PTPN21: variants seen among roughly 807,000 people sequenced by gnomAD.
PTPN21 encodes protein tyrosine phosphatase non-receptor type 21.
A neutral mutation model predicts 131.8 loss-of-function variants in PTPN21; 77 were observed. The ratio of observed to expected loss-of-function variants is 0.58; its 90% CI spans 0.49 to 0.71. The LOEUF (loss-of-function observed/expected upper bound fraction) is 0.71, where lower values mean the gene tolerates loss of function less well. PTPN21 is among the 30% of genes least tolerant of loss of function. The pLI is 0.00. For missense variants in PTPN21, 1,552 were observed against 1,527.1 expected, an observed-to-expected ratio of 1.02 and a Z score of -0.27; for synonymous variants, 715 against 621.3, an observed-to-expected ratio of 1.15 and a Z score of -2.24.
intron 10 of PTPN21, among the ~76,000 whole-genome samples, chr14:88,487,965 CAAAAA>C (rs535857551): frequency 0.15 from 13,639 of 92,486 alleles, 821 homozygotes; most frequent in South Asian, 0.27. Context: ...GACTCCATCT[CAAAAA>C]AAAAAAAAAA....
chr14:88,525,382 A>C (rs1260830695), intron 2 of PTPN21, among the ~76,000 whole-genome samples: 3 of 152,228 alleles, frequency 2.0e-5, no homozygotes, highest in Admixed American at 2.0e-4. Context: ...AGAAAGAAAC[A>C]ACCCAATATT....
intron 4 of PTPN21, among the ~76,000 whole-genome samples, chr14:88,505,776 T>G (rs1173174634): frequency 6.6e-6 from 1 of 152,240 alleles, no homozygotes; most frequent in African/African-American, 2.4e-5. Context: ...CAGCAAGATA[T>G]ATTTGTGTTG....
intron 2 of PTPN21, among the ~76,000 whole-genome samples, chr14:88,548,235 G>A (rs1463131072): frequency 1.3e-5 from 2 of 151,972 alleles, no homozygotes; most frequent in South Asian, 2.1e-4. Context: ...AGAAACAATC[G>A]TACCACACCT....
At chr14:88,510,336 A>G (rs151274683) in intron 3 of PTPN21, among the ~76,000 whole-genome samples, 1 of 152,324 alleles carries the variant, frequency 6.6e-6, no homozygotes, top group East Asian at 1.9e-4. Context: ...GCTCACAGCT[A>G]AAATCCAGGC....
At position 88,497,334 on chromosome 14, in the gene PTPN21, G is replaced by A. The variant is rs747190096; in HGVS notation, c.765-44C>T. 7.0e-6 allele frequency: 10 copies of A among 1,436,018 alleles called. 1 individual carries two copies. In the East Asian group the frequency reaches 2.3e-4, roughly 33 times the overall value. The allele number at this position is 1,436,018 out of a possible 1,614,324, so 89.0% of individuals were successfully genotyped here. A position where few individuals can be genotyped will look rare whatever the true frequency, so the allele number is the denominator to read the frequency against. On this transcript the variant is annotated intron_variant, in intron 8 of 18. Transcript: ENST00000556564. ...AGAACTGGCAATGTGAGTGCCCATG[G>A]GGGAAACAAGGAGATAGAATACACA...
intron 13 of PTPN21, among the ~76,000 whole-genome samples, chr14:88,478,235 G>A (rs940623185): frequency 3.3e-5 from 5 of 152,230 alleles, no homozygotes; most frequent in African/African-American, 1.2e-4. Context: ...TAGGTAAAAA[G>A]TGCTTAATTC....
Position 88,476,298 on chromosome 14 carries a change from T to TA in PTPN21, c.2512-2497dup, listed in dbSNP as rs1192978855. On this transcript the variant is annotated intron_variant, in intron 13 of 18. Coordinates refer to ENST00000556564, the MANE Select transcript of PTPN21 (RefSeq NM_007039.4). ...CTTCCACTCTTGAAAGCCATTAAGT[T>TA]AAATATATGATGCCACCTCACAGTA... Among the ~76,000 whole-genome samples, 9 of 152,288 alleles carry TA rather than the reference T, an allele frequency of 5.9e-5. No homozygotes were observed. The South Asian group carries it at 1.9e-3, about 32-fold the overall frequency.
At chr14:88,539,433 A>G (rs1229755487) in intron 2 of PTPN21, among the ~76,000 whole-genome samples, 2 of 151,956 alleles carry the variant, frequency 1.3e-5, no homozygotes, top group Admixed American at 6.6e-5. Flanking sequence ...TTTTTAGTAG[A>G]GATGGGGTTT....
intron 6 of PTPN21, among the ~76,000 whole-genome samples, chr14:88,502,444 T>C (rs921281363): frequency 6.6e-6 from 1 of 152,130 alleles, no homozygotes; most frequent in Non-Finnish European, 1.5e-5. Flanking sequence ...ATTCCGCCCA[T>C]ACCCCTCTAA....
chr14:88,478,962 G>A lies in PTPN21; in HGVS notation c.2469C>T (p.Leu823=), dbSNP rs750754931. 3 of 1,534,716 alleles carry A rather than the reference G, an allele frequency of 2.0e-6. No individual in the cohort carries two copies. Among genetic ancestry groups the A allele is most frequent in the East Asian group, 2.3e-5 (1 of 42,886 alleles). The change falls in exon 13 of 19, where the codon CTC becomes CTT. Residue 823 remains leucine (L), a synonymous_variant. Coordinates refer to ENST00000556564, the MANE Select transcript of PTPN21 (RefSeq NM_007039.4). The stretch of plus-strand genomic sequence containing the variant: ...CTTCCACGATGTTCTTCTTCCCAGA[G>A]AGAAGGTCCGACACCGGCCTTTTCT... ...SLKKRPVSDL[L]SGKKNIVEGL... is the part of the protein sequence containing the mutation.
chr14:88,481,058 T>G (rs2077646198), intron 12 of PTPN21, among the ~76,000 whole-genome samples: 1 of 152,200 alleles, frequency 6.6e-6, no homozygotes, highest in African/African-American at 2.4e-5. Context: ...ACAGGGGCCA[T>G]GTTTCTTCTA....
intron 10 of PTPN21, among the ~76,000 whole-genome samples, chr14:88,486,771 G>A (rs2077739286): frequency 6.6e-6 from 1 of 152,102 alleles, no homozygotes; most frequent in South Asian, 2.1e-4. Context: ...GAAGTCAGGA[G>A]TTCGAGACCA....
At chr14:88,506,259 G>A (rs114189439) in intron 4 of PTPN21, among the ~76,000 whole-genome samples, 2 of 152,110 alleles carry the variant, frequency 1.3e-5, no homozygotes, top group African/African-American at 4.8e-5. Context: ...AGGATCACTT[G>A]AGCACAGTAG....
At chr14:88,518,362 A>G (rs2078323317) in intron 2 of PTPN21, among the ~76,000 whole-genome samples, 1 of 77,674 alleles carries the variant, frequency 1.3e-5, no homozygotes. Flanking sequence ...ATATACATAC[A>G]CGTGTGTGTG....
At chr14:88,505,012 T>C (rs2078065836) in intron 5 of PTPN21, among the ~76,000 whole-genome samples, 1 of 152,204 alleles carries the variant, frequency 6.6e-6, no homozygotes, top group Admixed American at 6.5e-5. Context: ...AACCTGTGCA[T>C]GCTTCCTGAG....
rs1224079873 is a variant in PTPN21 at position 88,466,055 on chromosome 14, C to T, written c.*2082G>A. ...TAAACCTGACAGAAAAGCATTTTCA[C>T]AAAAACGTACCATGGAGAGGGAGGG... On this transcript the variant is annotated 3_prime_UTR_variant, in exon 19 of 19. Transcript: ENST00000556564. The T allele has an allele frequency of 6.9e-6, 1 of 145,378 alleles. No individual in the cohort carries two copies. Among genetic ancestry groups the T allele is most frequent in the East Asian group, 2.0e-4 (1 of 4,960 alleles). The allele number at this position is 145,378 out of a possible 1,614,324, so 9.0% of individuals were successfully genotyped here.
intron 2 of PTPN21, among the ~76,000 whole-genome samples, chr14:88,528,860 A>G (rs996442900): frequency 6.6e-6 from 1 of 152,176 alleles, no homozygotes; most frequent in African/African-American, 2.4e-5. Flanking sequence ...GAATTCATTT[A>G]TCGATCTAGG....
chr14:88,521,215 C>T (rs1283185518), intron 2 of PTPN21, among the ~76,000 whole-genome samples: 1 of 152,120 alleles, frequency 6.6e-6, no homozygotes, highest in African/African-American at 2.4e-5. Context: ...CAATTACTGA[C>T]TCCTCCCCTC....
chr14:88,469,026 C>A lies in PTPN21; in HGVS notation c.3286G>T (p.Asp1096Tyr). 6.2e-7 allele frequency: 1 copy of A among 1,614,170 alleles called. No homozygotes were observed. Among genetic ancestry groups the A allele is most frequent in the Non-Finnish European group, 8.5e-7 (1 of 1,180,034 alleles). ...SVRRHTNSTS[D>Y]PQSPNPPLLV... ...AACGGAGGGTTGGGGCTTTGGGGAT[C>A]ACTTGTGCTATTTGTATGGCGTCGA... Residue 1096 changes from aspartate (D) to tyrosine (Y), a missense_variant, in exon 18 of 19, where the codon GAT becomes TAT. Around this residue, in one of 4 missense-constraint regions of PTPN21, gnomAD observed 316 missense variants for 378.5 expected, o/e 0.83. Transcript: ENST00000556564. This position sits in a 1 kb window ranked among gnomAD's most constrained non-coding sequence, Gnocchi z 4.3.
Sources: allele counts gnomAD v4.1 joint callset (sites outside exome capture counted in the v4.1 genomes callset), GRCh38; gene constraint gnomAD v4.1.1; regional missense constraint gnomAD v4.1.1; non-coding constraint Gnocchi (gnomAD v3.1); transcripts MANE v1.5; gene names NCBI Gene and HGNC (gene_info 2026-07-23, HGNC 2026-07-21).